Variants in LRRK1 observed in about 807,000 individuals in gnomAD.
The protein encoded by LRRK1 is leucine rich repeat kinase 1.
LRRK1 carries 113 observed loss-of-function variants against 209.1 expected under a neutral mutation model. The ratio of observed to expected loss-of-function variants is 0.54; its 90% confidence interval spans 0.46 to 0.63. LRRK1 has a LOEUF of 0.63. Ranked by LOEUF, LRRK1 falls within the 30% of genes least tolerant of loss-of-function variation. The pLI is 0.00. For missense variants in LRRK1, 2,284 were observed against 2,632.2 expected (o/e 0.87, Z 2.89); for synonymous variants, 1,144 against 1,099.7 (o/e 1.04, Z -0.80).
chr15:101,053,016 T>C lies in LRRK1; in HGVS notation c.3784T>C (p.Tyr1262His). Residue 1262 changes from tyrosine to histidine, a missense_variant, in exon 25 of 34, where the codon TAC becomes CAC. Physicochemically the swap from Tyr to His is moderately conservative, Grantham distance 83. Around this residue, in one of 6 missense-constraint regions of LRRK1, gnomAD observed 780 missense variants for 985.2 expected, o/e 0.79. Transcript: ENST00000388948. Reference protein sequence around the residue: ...GSGTVIYRARYQGQPVAVKRF... With the variant: ...GSGTVIYRARHQGQPVAVKRF... ...TGGCACCGTCATCTACCGGGCCCGG[T>C]ACCAGGGCCAGCCTGTGGCCGTCAA... The C allele has an allele frequency of 6.2e-7, 1 of 1,613,038 alleles. No homozygotes were observed. Among genetic ancestry groups the C allele is most frequent in the Non-Finnish European group, 8.5e-7 (1 of 1,179,466 alleles).
At chr15:101,030,161 G>A (rs904320467) in intron 20 of LRRK1, among the ~76,000 whole-genome samples, 1 of 151,894 alleles carries the variant, frequency 6.6e-6, no homozygotes, top group Admixed American at 6.6e-5. Flanking sequence ...AGCACCTGCC[G>A]CTCCTCATGA....
chr15:100,942,226 T>G (rs947663745), intron 2 of LRRK1, among the ~76,000 whole-genome samples: 3 of 152,126 alleles, frequency 2.0e-5, no homozygotes, highest in Non-Finnish European at 4.4e-5. Flanking sequence ...GGAACCGGGT[T>G]CAAATCCTGA....
At chr15:100,926,547 A>G (rs2042113892) in intron 2 of LRRK1, among the ~76,000 whole-genome samples, 1 of 137,844 alleles carries the variant, frequency 7.3e-6, no homozygotes. Context: ...TAGTGGCTCA[A>G]ACCGGCAGGG....
chr15:101,003,545 T>C (rs1364829265), intron 6 of LRRK1, among the ~76,000 whole-genome samples: 1 of 152,054 alleles, frequency 6.6e-6, no homozygotes, highest in African/African-American at 2.4e-5. Context: ...TGGCAGAAGG[T>C]GAAAGACACG....
intron 2 of LRRK1, among the ~76,000 whole-genome samples, chr15:100,962,804 T>TACATATATATATATATATATATATAC (rs1252133441): frequency 8.1e-5 from 3 of 37,190 alleles, no homozygotes; most frequent in African/African-American, 2.0e-4. Flanking sequence ...CATATATATA[T>TACATATATATATATATATATATATAC]ATATATATAT....
chr15:101,015,550 A>T (rs1265056953), intron 12 of LRRK1, 148 bp downstream of exon 12: 3 of 626,410 alleles, frequency 4.8e-6, no homozygotes, highest in African/African-American at 3.7e-5. Flanking sequence ...TCAAATGAAA[A>T]CCCTGCATAT....
At chr15:100,935,234 T>G (rs1383359894) in intron 2 of LRRK1, among the ~76,000 whole-genome samples, 2 of 152,132 alleles carry the variant, frequency 1.3e-5, no homozygotes, top group Non-Finnish European at 2.9e-5. Context: ...GTTGCAGGGA[T>G]GGAGAGTGAC....
rs767943729 is a variant in LRRK1, at chr15:101,066,216, C to T, written c.5768+11C>T. ...CATTTGGGTCCCCAGGTACGTTTCC[C>T]GAGGTGAGGGCACCATCCAGGGCAC... is the stretch of plus-strand genomic sequence containing the variant. On this transcript the variant is annotated intron_variant, in intron 32 of 33. Transcript: ENST00000388948. The T allele has an allele frequency of 1.2e-5, 19 of 1,592,722 alleles. No homozygotes were observed. The Admixed American group carries it at 1.9e-4, about 16-fold the overall frequency.
chr15:100,980,058 A>T (rs569284771), intron 3 of LRRK1, among the ~76,000 whole-genome samples: 1 of 152,342 alleles, frequency 6.6e-6, no homozygotes, highest in Admixed American at 6.5e-5. Context: ...CTTATGAACC[A>T]GCAATTGAAC....
At chr15:101,060,198 C>T (rs1323295649) in intron 29 of LRRK1, among the ~76,000 whole-genome samples, 1 of 152,256 alleles carries the variant, frequency 6.6e-6, no homozygotes, top group Admixed American at 6.5e-5. Context: ...GACTTGAGAT[C>T]TGTCTGAGAA....
intron 25 of LRRK1, 45 bp downstream of exon 25, chr15:101,053,133 G>A (rs1213137767): frequency 1.9e-6 from 3 of 1,591,460 alleles, no homozygotes; most frequent in Non-Finnish European, 2.6e-6. Context: ...GACATATGCT[G>A]CCCGGGTCTA....
Position 101,012,046 on chromosome 15 carries a change from G to A in LRRK1, c.1320G>A (p.Leu440=). Residue 440 remains leucine, a synonymous_variant, in exon 10 of 34, where the codon CTG becomes CTA. Transcript: ENST00000388948. ...CKASRNALEC[L]PDKMAVFWKN... is the part of the protein sequence containing the mutation. Reference sequence around the variant, plus strand: ...CTTCCAGAAATGCCCTGGAATGTCTGCCAGACAAAATGGCTGTCTTTTGGA... The same window carrying A: ...CTTCCAGAAATGCCCTGGAATGTCTACCAGACAAAATGGCTGTCTTTTGGA... 1 of 1,610,734 alleles carries A rather than the reference G, an allele frequency of 6.2e-7. No homozygotes were observed. Among genetic ancestry groups the A allele is most frequent in the Non-Finnish European group, 8.5e-7 (1 of 1,178,490 alleles).
chr15:100,946,378 TG>T (rs58420485), intron 2 of LRRK1, among the ~76,000 whole-genome samples: 32,755 of 152,052 alleles, frequency 0.22, 3,846 homozygotes, highest in African/African-American at 0.29. Context: ...CCATAATGAC[TG>T]GGGTTGGAGA....
rs1011515620 is a variant in LRRK1 at position 101,073,443 on chromosome 15, C to T, written c.*4595C>T. The T allele has an allele frequency of 2.6e-5, 4 of 152,242 alleles. No homozygotes were observed. Among genetic ancestry groups the T allele is most frequent in the East Asian group, 1.9e-4 (1 of 5,182 alleles). The allele number at this position is 152,242 out of a possible 1,614,324, so 9.4% of individuals were successfully genotyped here. A position where few individuals can be genotyped will look rare whatever the true frequency, so the allele number is the denominator to read the frequency against. On this transcript the variant is annotated 3_prime_UTR_variant, in exon 34 of 34. Coordinates refer to ENST00000388948, the MANE Select transcript of LRRK1 (RefSeq NM_024652.6). ...GGCAAGGACCCCAACCCCTTCTCTC[C>T]GTGTCTCTACCCCTTCTCCGCCTTT...
rs1231314660 is a variant in LRRK1 at position 101,062,654 on chromosome 15, C to G, written c.4878C>G (p.Val1626=). 4.3e-6 allele frequency: 7 copies of G among 1,614,094 alleles called. No individual in the cohort carries two copies. In the South Asian group the frequency reaches 6.6e-5, roughly 15 times the overall value. The part of the protein sequence containing the change: ...TPQQALDTPA[V]VTCFLAVPVI... ...AACAGGCCTTGGATACTCCAGCTGT[C>G]GTCACCTGCTTCTTGGCCGTGCCTG... Residue 1626 remains valine, a synonymous_variant, in exon 31 of 34, where the codon GTC becomes GTG. Transcript: ENST00000388948.
intron 20 of LRRK1, among the ~76,000 whole-genome samples, chr15:101,034,638 G>T (rs1309193411): frequency 6.6e-6 from 1 of 152,070 alleles, no homozygotes; most frequent in Non-Finnish European, 1.5e-5. Flanking sequence ...CTGATATCAT[G>T]CTGTTTTGGT....
intron 3 of LRRK1, among the ~76,000 whole-genome samples, chr15:100,979,592 A>G (rs1458900403): frequency 6.6e-6 from 1 of 152,204 alleles, no homozygotes; most frequent in Non-Finnish European, 1.5e-5. Flanking sequence ...GGACCTCACC[A>G]AGATTAAAAA....
rs139404538 is a variant in LRRK1, at chr15:100,986,089, C to A, written c.433+2390C>A. 7.8e-3 allele frequency among the ~76,000 whole-genome samples: 1,184 copies of A among 152,170 alleles called. 15 individuals carry two copies. Among genetic ancestry groups the A allele is most frequent in the African/African-American group, 0.027 (1,137 of 41,496 alleles). ...GGCATGGTGGCACATGCCTATATTCCCAGGTACTTGGGAGGGTGAAGTGGG... is the reference window on the plus strand; with the variant it reads ...GGCATGGTGGCACATGCCTATATTCACAGGTACTTGGGAGGGTGAAGTGGG... On this transcript the variant is annotated intron_variant, in intron 4 of 33. Transcript: ENST00000388948.
chr15:101,030,445 C>A (rs1371250320), intron 20 of LRRK1, among the ~76,000 whole-genome samples: 2 of 152,220 alleles, frequency 1.3e-5, no homozygotes, highest in Non-Finnish European at 2.9e-5. Flanking sequence ...AGGGCCCAGC[C>A]TCCAGAGGCT....
Sources: allele counts gnomAD v4.1 joint callset (sites outside exome capture counted in the v4.1 genomes callset), GRCh38; gene constraint gnomAD v4.1.1; regional missense constraint gnomAD v4.1.1; transcripts MANE v1.5; gene names NCBI Gene and HGNC (gene_info 2026-07-23, HGNC 2026-07-21).